LARGE1: variants seen among roughly 807,000 people sequenced by gnomAD.
LARGE1 encodes LARGE xylosyl- and glucuronyltransferase 1, also known as xylosyl- and glucuronyltransferase LARGE1.
In LARGE1, 43 loss-of-function variants were observed where a neutral mutation model predicts 87.6. That is an observed-to-expected ratio of 0.49 (90% CI 0.38 to 0.63). LARGE1 has a LOEUF of 0.63. Among genes scored for constraint, LARGE1 ranks in the 30% least tolerant of loss-of-function variants. The pLI is 0.00. For synonymous variants in LARGE1, 434 were observed against 394.6 expected, an observed-to-expected ratio of 1.10 and a Z score of -1.18; for missense variants, 802 against 1,000.2, an observed-to-expected ratio of 0.80 and a Z score of 2.67.
intron 6 of LARGE1, among the ~76,000 whole-genome samples, chr22:33,503,145 G>A (rs192308228): frequency 1.2e-4 from 18 of 152,114 alleles, no homozygotes; most frequent in Non-Finnish European, 1.9e-4. Flanking sequence ...AAGGTTATCC[G>A]CAACACCAAA....
intron 5 of LARGE1, among the ~76,000 whole-genome samples, chr22:33,596,566 G>C (rs1465594307): frequency 6.6e-6 from 1 of 152,054 alleles, no homozygotes; most frequent in African/African-American, 2.4e-5. Flanking sequence ...GAATAACACA[G>C]GACCACAAAG....
At chr22:33,508,815 T>C (rs958814262) in intron 6 of LARGE1, among the ~76,000 whole-genome samples, 2 of 152,314 alleles carry the variant, frequency 1.3e-5, no homozygotes, top group African/African-American at 4.8e-5. Context: ...CGATGGTGTT[T>C]GCATGCAAAA....
At chr22:33,228,355 T>C (rs773607315) in intron 11 of LARGE1, among the ~76,000 whole-genome samples, 11 of 152,260 alleles carry the variant, frequency 7.2e-5, no homozygotes, top group Non-Finnish European at 1.3e-4. Flanking sequence ...GACTGCTACA[T>C]TGTTAGGCAA....
intron 1 of LARGE1, among the ~76,000 whole-genome samples, chr22:33,787,020 CAAAAA>C (rs1184293115): frequency 1.3e-5 from 1 of 77,142 alleles, no homozygotes; most frequent in Non-Finnish European, 2.6e-5. Flanking sequence ...GACTCCATTT[CAAAAA>C]AAAAAAAAAA....
At chr22:33,299,081 G>C (rs763923426) in intron 12 of LARGE1, among the ~76,000 whole-genome samples, 1 of 151,922 alleles carries the variant, frequency 6.6e-6, no homozygotes, top group Admixed American at 6.6e-5. Flanking sequence ...GCATGGTGGC[G>C]CATGCCTATA....
intron 5 of LARGE1, 25 bp from the exon 6 acceptor site, chr22:33,565,044 A>G (rs2077981873): frequency 6.2e-7 from 1 of 1,609,930 alleles, no homozygotes. Flanking sequence ...GCAGAGAGAG[A>G]GTTGGAGAAA....
intron 2 of LARGE1, among the ~76,000 whole-genome samples, chr22:33,678,162 G>A (rs2081638152): frequency 6.6e-6 from 1 of 152,202 alleles, no homozygotes; most frequent in African/African-American, 2.4e-5. Flanking sequence ...AAATAAGAGT[G>A]ACAGTCATAT....
chr22:33,177,311 A>C lies in LARGE1; in HGVS notation c.1731-10479T>G, dbSNP rs117399541. 0.019 allele frequency among the ~76,000 whole-genome samples: 2,911 copies of C among 152,254 alleles called. 202 individuals carry two copies. The East Asian group carries it at 0.19, about 10-fold the overall frequency. ...CCAGAACTTAAAATATAATAATAAA[A>C]AATTATAATTTATGAAGAAAGATTA... On this transcript the variant is annotated intron_variant, in intron 11 of 11. Coordinates refer to the LARGE1 transcript ENST00000608642.
chr22:33,435,786 T>C (rs759231896), intron 6 of LARGE1, among the ~76,000 whole-genome samples: 18 of 152,210 alleles, frequency 1.2e-4, no homozygotes, highest in Non-Finnish European at 2.5e-4. Flanking sequence ...CTGGGCTGCA[T>C]TGCTTTTGAT....
At chr22:33,305,510 T>A in intron 11 of LARGE1, 1 of 833,628 alleles carries the variant, frequency 1.2e-6, no homozygotes, top group African/African-American at 1.8e-5. Context: ...AGCAAAAGCC[T>A]ACTTGAATTG....
intron 6 of LARGE1, among the ~76,000 whole-genome samples, chr22:33,442,334 C>T (rs917538874): frequency 6.6e-6 from 1 of 152,152 alleles, no homozygotes. Context: ...ACGCTCTTGG[C>T]CCTTCTGAAT....
chr22:33,169,933 A>C (rs1278683625), intron 11 of LARGE1, among the ~76,000 whole-genome samples: 1 of 152,140 alleles, frequency 6.6e-6, no homozygotes, highest in Non-Finnish European at 1.5e-5. Context: ...ATACCTAGAT[A>C]TCTATCTATT....
chr22:33,589,430 C>T (rs2078772641), intron 5 of LARGE1, among the ~76,000 whole-genome samples: 1 of 151,914 alleles, frequency 6.6e-6, no homozygotes, highest in Non-Finnish European at 1.5e-5. Context: ...ATATTTCCTC[C>T]ATTGTTTTAT....
chr22:33,273,059 C>T lies in LARGE1; in HGVS notation c.*1368G>A, dbSNP rs1162969620. 2 of 199,358 alleles carry T rather than the reference C, an allele frequency of 1.0e-5. No individual in the cohort carries two copies. Among genetic ancestry groups the T allele is most frequent in the Non-Finnish European group, 2.0e-5 (2 of 99,584 alleles). The allele number at this position is 199,358 out of a possible 1,614,324, so 12.3% of individuals were successfully genotyped here. On this transcript the variant is annotated 3_prime_UTR_variant, in exon 15 of 15. Coordinates refer to ENST00000397394, the MANE Select transcript of LARGE1 (RefSeq NM_133642.5). ...CAAGGTGTGTCTCAGTAGCTTCCTG[C>T]AAGAGTGGGAGGGGAATGGGGAAGA... is the stretch of plus-strand genomic sequence containing the variant.
At chr22:33,122,297 G>GCCACT in the LARGE1 span, among the ~76,000 whole-genome samples, 2 of 151,768 alleles carry the variant, frequency 1.3e-5, no homozygotes, top group Non-Finnish European at 2.9e-5. Flanking sequence ...GTTACGAGTA[G>GCCACT]CCACTCCATC....
intron 11 of LARGE1, 75 bp from the exon 12 acceptor site, chr22:33,304,582 C>G (rs1934619173): frequency 7.0e-7 from 1 of 1,434,236 alleles, no homozygotes. Context: ...TTGTGGGGCT[C>G]TGCCTCCAGT....
At chr22:33,412,871 G>A (rs572395753) in intron 7 of LARGE1, among the ~76,000 whole-genome samples, 1 of 152,320 alleles carries the variant, frequency 6.6e-6, no homozygotes, top group South Asian at 2.1e-4. Context: ...ATGTTGGCCA[G>A]GCTGGTCTCG....
chr22:33,566,388 C>A (rs2078025751), intron 5 of LARGE1, among the ~76,000 whole-genome samples: 1 of 152,168 alleles, frequency 6.6e-6, no homozygotes, highest in Admixed American at 6.6e-5. Flanking sequence ...TACGTGTAAT[C>A]AAACCAAATG....
chr22:33,288,970 A>ATTG (rs568728888), intron 12 of LARGE1, among the ~76,000 whole-genome samples: 1 of 150,480 alleles, frequency 6.6e-6, no homozygotes, highest in African/African-American at 2.5e-5. Flanking sequence ...TATTATTATT[A>ATTG]TTATTTTAGA....
Sources: allele counts gnomAD v4.1 joint callset (sites outside exome capture counted in the v4.1 genomes callset), GRCh38; gene constraint gnomAD v4.1.1; transcripts MANE v1.5; gene names NCBI Gene and HGNC (gene_info 2026-07-23, HGNC 2026-07-21).